ANGPT4: variants seen among roughly 807,000 people sequenced by gnomAD.
ANGPT4 encodes the protein angiopoietin-4.
In ANGPT4, 50 loss-of-function variants were observed where a neutral mutation model predicts 53.0. The ratio of observed to expected loss-of-function variants is 0.94; its 90% CI spans 0.75 to 1.20. ANGPT4 has a LOEUF of 1.20. ANGPT4 is among the 50% of genes most tolerant of loss of function. The pLI, the probability that ANGPT4 is intolerant of heterozygous loss-of-function variation, is 0.00. For synonymous variants in ANGPT4, 251 were observed against 259.7 expected (o/e 0.97, Z 0.32); for missense variants, 648 against 637.1 (o/e 1.02, Z -0.18).
rs1338764809 is a variant in ANGPT4 at position 885,231 on chromosome 20, T to C, written c.682A>G (p.Ser228Gly). The change falls in exon 4 of 9, where the codon AGC becomes GGC. Residue 228 changes from serine (S) to glycine (G), a missense_variant. Ser to Gly is a moderately conservative substitution (Grantham distance 56). Transcript: ENST00000381922. Reference protein sequence around the residue: ...SKKAKLLNTLSRQSAALTNIE... With the variant: ...SKKAKLLNTLGRQSAALTNIE... ...TTGGTGAGGGCGGCGCTCTGGCGGCTCAGCGTGTTCAGCAGCTTCGCCTTC... is the reference window on the plus strand; with the variant it reads ...TTGGTGAGGGCGGCGCTCTGGCGGCCCAGCGTGTTCAGCAGCTTCGCCTTC... 1 of 1,585,090 alleles carries C rather than the reference T, an allele frequency of 6.3e-7. No homozygotes were observed. Among genetic ancestry groups the C allele is most frequent in the Non-Finnish European group, 8.6e-7 (1 of 1,165,470 alleles).
At chr20:915,793 C>G in intron 1 of ANGPT4, 113 bp downstream of exon 1, 2 of 1,338,568 alleles carry the variant, frequency 1.5e-6, no homozygotes, top group South Asian at 3.0e-5. Context: ...TTGTGCAGCT[C>G]AGAGACAGCC....
chr20:910,413 T>C (rs912862776), intron 1 of ANGPT4, among the ~76,000 whole-genome samples: 2 of 152,152 alleles, frequency 1.3e-5, no homozygotes, highest in African/African-American at 4.8e-5. Context: ...AGCCAATTGA[T>C]ATATGTGGCT....
At position 885,332 on chromosome 20, in the gene ANGPT4, G is replaced by C; in HGVS notation, c.588-7C>G. ...CAACCGCTTCTCGAGCGCGCTGCGG[G>C]GTAGGGGGCGCACAGAGGTGAGCCT... On this transcript the variant is annotated splice_region_variant and splice_polypyrimidine_tract_variant and intron_variant, in intron 3 of 8. Transcript: ENST00000381922. 2 of 1,573,412 alleles carry C rather than the reference G, an allele frequency of 1.3e-6. No individual in the cohort carries two copies. Among genetic ancestry groups the C allele is most frequent in the South Asian group, 1.1e-5 (1 of 87,090 alleles).
chr20:911,565 A>G lies in ANGPT4; in HGVS notation c.309+4341T>C, dbSNP rs1982700734. Reference sequence around the variant, plus strand: ...CTTTGATAGCCAACCAGGAGAGAGAATCAGAGACAGAGACACCCACAGAGT... The same window carrying G: ...CTTTGATAGCCAACCAGGAGAGAGAGTCAGAGACAGAGACACCCACAGAGT... On this transcript the variant is annotated intron_variant, in intron 1 of 8. Coordinates refer to ENST00000381922, the MANE Select transcript of ANGPT4 (RefSeq NM_015985.4). This position sits in a 1 kb window ranked among gnomAD's most constrained non-coding sequence, Gnocchi z 4.9. 6.6e-6 allele frequency among the ~76,000 whole-genome samples: 1 copy of G among 151,994 alleles called. No individual in the cohort carries two copies. Among genetic ancestry groups the G allele is most frequent in the Non-Finnish European group, 1.5e-5 (1 of 68,002 alleles).
intron 3 of ANGPT4, among the ~76,000 whole-genome samples, chr20:886,045 G>T (rs1437542720): frequency 6.6e-6 from 1 of 151,974 alleles, no homozygotes; most frequent in African/African-American, 2.4e-5. Context: ...ATGGGGGCAG[G>T]ATGGAGGGCC....
Position 878,262 on chromosome 20 carries a change from C to T in ANGPT4, c.1119G>A (p.Arg373=). ...GCTCCACACGCAGAGAGTAGGCTGCCCTTCTGGTGAGCTGGTGCACCACTT... is the reference window on the plus strand; with the variant it reads ...GCTCCACACGCAGAGAGTAGGCTGCTCTTCTGGTGAGCTGGTGCACCACTT... ...GNEVVHQLTR[R]AAYSLRVELQ... is the part of the protein sequence containing the mutation. The change falls in exon 7 of 9, where the codon AGG becomes AGA. Residue 373 remains arginine, a synonymous_variant. Coordinates refer to ENST00000381922, the MANE Select transcript of ANGPT4 (RefSeq NM_015985.4). 2 of 1,611,770 alleles carry T rather than the reference C, an allele frequency of 1.2e-6. No homozygotes were observed. The highest frequency in any genetic ancestry group is 1.1e-5 in the South Asian group (1 of 91,066).
rs551143998 is a variant in ANGPT4, at chr20:891,465, A to G, written c.310-1097T>C. On this transcript the variant is annotated intron_variant, in intron 1 of 8. Transcript: ENST00000381922. ...CCAGTATGCTGTTGTAAAGGTGAAC[A>G]GTGTGTTCTCAGGGCTCGGTGCCTG... Among the ~76,000 whole-genome samples the G allele has an allele frequency of 2.8e-4, 42 of 152,352 alleles. 1 individual carries two copies. Among genetic ancestry groups the G allele is most frequent in the African/African-American group, 9.6e-4 (40 of 41,580 alleles).
intron 5 of ANGPT4, 151 bp from the exon 6 acceptor site, chr20:879,999 T>G: frequency 2.1e-6 from 1 of 481,592 alleles, no homozygotes. Context: ...CAGGCTTAAA[T>G]TCCCCACCCA....
chr20:898,688 T>A (rs868120378), intron 1 of ANGPT4, among the ~76,000 whole-genome samples: 1 of 152,190 alleles, frequency 6.6e-6, no homozygotes, highest in Non-Finnish European at 1.5e-5. Flanking sequence ...TGGCAACATA[T>A]TTCTGAGTTG....
Position 916,112 on chromosome 20 carries a change from T to C in ANGPT4, c.103A>G (p.Thr35Ala). ...CAGTGGCCGTGCTGGACTACAAGTG[T>C]CTCGCAGCCCCTATCCGCCTCCTGC... Reference protein sequence around the residue: ...TRQEADRGCETLVVQHGHCSY... With the variant: ...TRQEADRGCEALVVQHGHCSY... The change falls in exon 1 of 9, where the codon ACA becomes GCA. Residue 35 changes from threonine to alanine, a missense_variant. Physicochemically the swap from Thr to Ala is moderately conservative, Grantham distance 58. Coordinates refer to ENST00000381922, the MANE Select transcript of ANGPT4 (RefSeq NM_015985.4). The C allele has an allele frequency of 2.5e-6, 4 of 1,614,140 alleles. No homozygotes were observed. Among genetic ancestry groups the C allele is most frequent in the Non-Finnish European group, 3.4e-6 (4 of 1,180,006 alleles).
intron 1 of ANGPT4, 36 bp from the exon 2 acceptor site, chr20:890,404 GGCGGGGGAAGCCCCCTGTCCCTCC>G (rs1981794174): frequency 6.4e-7 from 1 of 1,573,468 alleles, no homozygotes; most frequent in Non-Finnish European, 8.6e-7. Flanking sequence ...ACGGGGGAGG[GGCGGGGGAAGCCCCCTGTCCCTCC>G]CACGTGTCAC....
chr20:913,156 G>T (rs1982771307), intron 1 of ANGPT4, among the ~76,000 whole-genome samples: 1 of 152,132 alleles, frequency 6.6e-6, no homozygotes, highest in South Asian at 2.1e-4. Flanking sequence ...GATGCTGATG[G>T]TGCCATTAGA....
chr20:899,220 A>ACT (rs1038338634), intron 1 of ANGPT4, among the ~76,000 whole-genome samples: 9 of 148,304 alleles, frequency 6.1e-5, no homozygotes, highest in Non-Finnish European at 1.0e-4. Flanking sequence ...ACTCCTTAAA[A>ACT]CTCCCCAGCT....
chr20:889,406 T>C (rs987758537), intron 2 of ANGPT4, among the ~76,000 whole-genome samples: 24 of 152,204 alleles, frequency 1.6e-4, no homozygotes, highest in South Asian at 1.0e-3. Context: ...GACAGCCTAT[T>C]GCTCCTAAGC....
Position 911,765 on chromosome 20 carries a change from T to A in ANGPT4, c.309+4141A>T, listed in dbSNP as rs1982708601. ...AGGAGTTCAAGGCTGCAGTGAGCTG[T>A]GATTGCACCATTGCACCCCAGTGTG... On this transcript the variant is annotated intron_variant, in intron 1 of 8. Transcript: ENST00000381922. The surrounding 1 kb of genome is among the most constrained non-coding windows in gnomAD (Gnocchi z 4.9). Among the ~76,000 whole-genome samples the A allele has an allele frequency of 6.6e-6, 1 of 151,900 alleles. No individual in the cohort carries two copies. The highest frequency in any genetic ancestry group is 6.6e-5 in the Admixed American group (1 of 15,244).
intron 1 of ANGPT4, among the ~76,000 whole-genome samples, chr20:904,833 G>A (rs1055180798): frequency 5.9e-5 from 9 of 152,116 alleles, no homozygotes; most frequent in Admixed American, 1.3e-4. Context: ...GTCTTGCTTT[G>A]TTGCCTCAGG....
At chr20:900,369 G>C (rs1208615386) in intron 1 of ANGPT4, among the ~76,000 whole-genome samples, 1 of 152,110 alleles carries the variant, frequency 6.6e-6, no homozygotes, top group East Asian at 1.9e-4. Context: ...TGCCACCCTA[G>C]CTGGATCCCT....
At chr20:879,716 G>A (rs1981316741) in intron 6 of ANGPT4, 31 bp downstream of exon 6, 1 of 1,592,340 alleles carries the variant, frequency 6.3e-7, no homozygotes, top group African/African-American at 1.3e-5. Context: ...TTTCAGAGCA[G>A]AATGGCCCCT....
At position 869,940 on chromosome 20, in the gene ANGPT4, G is replaced by A. The variant is rs6055439; in HGVS notation, c.*3020C>T. The A allele has an allele frequency of 0.21, 31,243 of 152,192 alleles. 5,130 individuals are homozygous for A. Among genetic ancestry groups the A allele is most frequent in the African/African-American group, 0.46 (19,067 of 41,430 alleles). 9.4% of individuals were successfully genotyped at this position (152,192 alleles called of 1,614,324 possible). On this transcript the variant is annotated 3_prime_UTR_variant, in exon 9 of 9. Transcript: ENST00000381922. ...ATTCCTTTACTGGAATCATGGAGAC[G>A]AGGGAGCTCCCCGGGTCAGGGATGC...
Sources: allele counts gnomAD v4.1 joint callset (sites outside exome capture counted in the v4.1 genomes callset), GRCh38; gene constraint gnomAD v4.1.1; non-coding constraint Gnocchi (gnomAD v3.1); transcripts MANE v1.5; gene names NCBI Gene and HGNC (gene_info 2026-07-23, HGNC 2026-07-21).